The following F8 variants were observed in gnomAD, a reference collection of about 807,000 sequenced individuals.
The protein encoded by F8 is antihemophilic factor.
In F8, 12 loss-of-function variants were observed where a neutral mutation model predicts 140.6. The observed-to-expected ratio is 0.09, with a 90% confidence interval of 0.05 to 0.14. The LOEUF (loss-of-function observed/expected upper bound fraction) is 0.14. Ranked by LOEUF, F8 falls within the 10% of genes least tolerant of loss-of-function variation. The probability of loss-of-function intolerance (pLI) is 1.00; values close to 1 mark genes in which losing one functional copy is unlikely to be tolerated. For synonymous variants in F8, 585 were observed against 614.6 expected, an observed-to-expected ratio of 0.95 and a Z score of 0.71; for missense variants, 1,354 against 1,720.7, an observed-to-expected ratio of 0.79 and a Z score of 3.77.
chrX:154,885,054 CGAG>C (rs1262588955), intron 22 of F8: 20 of 586,745 alleles, frequency 3.4e-5, no homozygotes, highest in Non-Finnish European at 4.2e-5. Flanking sequence ...CCCAGCATGC[CGAG>C]GAGGAGGAGA....
chrX:154,955,317 A>AT (rs34537569), intron 11 of F8, among the ~76,000 whole-genome samples: 3,171 of 66,852 alleles, frequency 0.047, 330 homozygotes, highest in African/African-American at 0.18. Context: ...TGCCCAGCTA[A>AT]TTTTTTTTTT....
chrX:154,971,900 T>A (rs782720762), intron 6 of F8, among the ~76,000 whole-genome samples: 2 of 112,552 alleles, frequency 1.8e-5, no homozygotes, highest in African/African-American at 6.4e-5. Context: ...TGTATCTATA[T>A]CACAGTTTCT....
intron 13 of F8, among the ~76,000 whole-genome samples, chrX:154,932,713 G>A (rs1353530943): frequency 9.0e-6 from 1 of 111,373 alleles, no homozygotes; most frequent in East Asian, 2.8e-4. Flanking sequence ...CCAAAATAAA[G>A]GAGTATCTCA....
At position 154,982,013 on chromosome X, in the gene F8, A is replaced by T. The variant is rs967246624; in HGVS notation, c.787+2674T>A. On this transcript the variant is annotated intron_variant, in intron 6 of 25. Transcript: ENST00000360256. ...GGCCTGGCAAACATGGTGAAACCCCATCTCTACTAAAACTACAAAAATTAG... is the reference window on the plus strand; with the variant it reads ...GGCCTGGCAAACATGGTGAAACCCCTTCTCTACTAAAACTACAAAAATTAG... 5.6e-5 allele frequency among the ~76,000 whole-genome samples: 6 copies of T among 108,015 alleles called. No homozygotes were observed. In the South Asian group the frequency reaches 2.4e-3, roughly 44 times the overall value. The allele number at this position is 108,015 out of a possible 115,157, so 93.8% of individuals were successfully genotyped here. A position where few individuals can be genotyped will look rare whatever the true frequency, so the allele number is the denominator to read the frequency against.
chrX:154,943,025 A>G (rs2073278846), intron 13 of F8, among the ~76,000 whole-genome samples: 1 of 111,395 alleles, frequency 9.0e-6, no homozygotes, highest in Non-Finnish European at 1.9e-5. Flanking sequence ...TCTCAAAATA[A>G]TAAGAGCTAT....
At chrX:154,837,870 T>C in intron 25 of F8, 118 bp from the exon 26 acceptor site, 1 of 701,426 alleles carries the variant, frequency 1.4e-6, no homozygotes, top group South Asian at 2.4e-5. Flanking sequence ...CCCTGGAAGA[T>C]GACTAGATGA....
rs377550329 is a variant in F8 at position 154,860,606 on chromosome X, C to T, written c.6726G>A (p.Val2242=). The change falls in exon 25 of 26, where the codon GTG becomes GTA. Residue 2242 remains valine, a splice_region_variant and synonymous_variant. Coordinates refer to ENST00000360256, the MANE Select transcript of F8 (RefSeq NM_000132.4). Reference sequence around the variant, plus strand: ...CTTGCAGCCACTCTTTTGGATTATTCACCTGAGGGCAATAGAGTTGGACTA... The same window carrying T: ...CTTGCAGCCACTCTTTTGGATTATTTACCTGAGGGCAATAGAGTTGGACTA... ...QGRSNAWRPQ[V]NNPKEWLQVD... The T allele has an allele frequency of 3.3e-6, 4 of 1,209,276 alleles. No individual in the cohort carries two copies. Among genetic ancestry groups the T allele is most frequent in the Non-Finnish European group, 3.4e-6 (3 of 894,538 alleles).
At chrX:154,972,688 T>C (rs2073462753) in intron 6 of F8, among the ~76,000 whole-genome samples, 1 of 106,491 alleles carries the variant, frequency 9.4e-6, no homozygotes. Context: ...TATTGTTCTT[T>C]TCTTTTCTTT....
chrX:155,002,605 A>T (rs2073652171), intron 1 of F8, among the ~76,000 whole-genome samples: 1 of 91,009 alleles, frequency 1.1e-5, no homozygotes. Flanking sequence ...TACCATTGGC[A>T]TATATTTACA....
intron 22 of F8, among the ~76,000 whole-genome samples, chrX:154,871,179 C>T (rs937220726): frequency 8.9e-6 from 1 of 112,097 alleles, no homozygotes; most frequent in Admixed American, 9.4e-5. Context: ...ACTTTCTTCA[C>T]AGAATTGGAA....
intron 6 of F8, among the ~76,000 whole-genome samples, chrX:154,982,124 C>A (rs2073527371): frequency 9.2e-6 from 1 of 109,027 alleles, no homozygotes; most frequent in Non-Finnish European, 1.9e-5. Context: ...GGGGAAGTTG[C>A]AGTGAGCTCA....
intron 10 of F8, among the ~76,000 whole-genome samples, chrX:154,960,630 C>T (rs2073390926): frequency 9.2e-6 from 1 of 108,578 alleles, no homozygotes; most frequent in African/African-American, 3.4e-5. Context: ...AGAGCAATAA[C>T]ATGGAAGCTG....
chrX:154,861,859 G>A lies in F8; in HGVS notation c.6582C>T (p.Ser2194=), dbSNP rs139144797. ...ELMGCDLNSC[S]MPLGMESKAI... ...CTTTACTCTCCATTCCCAATGGCAT[G>A]CTGCAACCTCAAAGAAAAGAAAAAA... The change falls in exon 24 of 26, where the codon AGC becomes AGT. Residue 2194 remains serine (S), a synonymous_variant. Coordinates refer to ENST00000360256, the MANE Select transcript of F8 (RefSeq NM_000132.4). 34 of 1,209,645 alleles carry A rather than the reference G, an allele frequency of 2.8e-5. No homozygotes were observed. The highest frequency in any genetic ancestry group is 1.9e-5 in the Non-Finnish European group (17 of 894,946).
chrX:154,847,297 G>A (rs1455153514), intron 25 of F8, among the ~76,000 whole-genome samples: 96 of 110,324 alleles, frequency 8.7e-4, no homozygotes, highest in African/African-American at 2.2e-3. Flanking sequence ...TCTTTGTGGC[G>A]TTCTCTGTAT....
At chrX:154,846,354 C>T (rs1356197440) in intron 25 of F8, among the ~76,000 whole-genome samples, 3 of 111,475 alleles carry the variant, frequency 2.7e-5, no homozygotes, top group Non-Finnish European at 3.8e-5. Context: ...CTTTCTGTCT[C>T]GTTGAACTGT....
intron 23 of F8, 80 bp downstream of exon 23, chrX:154,863,003 C>T: frequency 9.2e-7 from 1 of 1,092,063 alleles, no homozygotes; most frequent in Non-Finnish European, 1.3e-6. Flanking sequence ...AACCCCTCCC[C>T]CAGTCTCAGG....
At chrX:154,974,958 TTC>T (rs1603435612) in intron 6 of F8, among the ~76,000 whole-genome samples, 2 of 111,996 alleles carry the variant, frequency 1.8e-5, no homozygotes, top group Non-Finnish European at 1.9e-5. Flanking sequence ...TCTGATTTAT[TTC>T]TGTTTTTCTT....
At chrX:154,895,982 A>G in intron 22 of F8, 95 bp downstream of exon 22, 3 of 880,819 alleles carry the variant, frequency 3.4e-6, no homozygotes, top group Non-Finnish European at 5.0e-6. Flanking sequence ...TTTGGAATTA[A>G]GTTTGTGGAA....
intron 22 of F8, among the ~76,000 whole-genome samples, chrX:154,876,115 A>AT (rs58675912): frequency 0.047 from 3,837 of 81,315 alleles, 197 homozygotes; most frequent in African/African-American, 0.17. Flanking sequence ...TATCATGGGA[A>AT]TTTTTTTTTT....
Sources: allele counts gnomAD v4.1 joint callset (sites outside exome capture counted in the v4.1 genomes callset), GRCh38; gene constraint gnomAD v4.1.1; transcripts MANE v1.5; gene names NCBI Gene and HGNC (gene_info 2026-07-23, HGNC 2026-07-21).